Variants in ADD1 observed in about 807,000 individuals in gnomAD.
The protein encoded by ADD1 is adducin 1.
In ADD1, 24 loss-of-function variants were observed where a neutral mutation model predicts 80.5. The ratio of observed to expected loss-of-function variants is 0.30; its 90% CI spans 0.22 to 0.42. The LOEUF (loss-of-function observed/expected upper bound fraction) is 0.42, where lower values mean the gene tolerates loss of function less well. Among genes scored for constraint, ADD1 ranks in the 10% least tolerant of loss-of-function variants. The probability of loss-of-function intolerance (pLI) is 1.00; values close to 1 mark genes in which losing one functional copy is unlikely to be tolerated. For missense variants in ADD1, 948 were observed against 1,019.0 expected, an observed-to-expected ratio of 0.93 and a Z score of 0.95; for synonymous variants, 373 against 393.8, an observed-to-expected ratio of 0.95 and a Z score of 0.63.
At chr4:2,867,375 C>T (rs1385074646) in intron 1 of ADD1, among the ~76,000 whole-genome samples, 1 of 152,116 alleles carries the variant, frequency 6.6e-6, no homozygotes, top group Non-Finnish European at 1.5e-5. Context: ...TGAGTGGAAC[C>T]AACCTCTGAT....
intron 8 of ADD1, chr4:2,898,879 A>G (rs1287045273): frequency 2.6e-6 from 1 of 386,616 alleles, no homozygotes; most frequent in Non-Finnish European, 4.8e-6. Context: ...AAGCAGGTAT[A>G]CAGAAGTAGA....
intron 3 of ADD1, 22 bp from the exon 4 acceptor site, chr4:2,884,493 G>T: frequency 6.3e-7 from 1 of 1,585,458 alleles, no homozygotes; most frequent in Non-Finnish European, 8.6e-7. Context: ...ACCTGGCTGA[G>T]TTTTGTTTTT....
At chr4:2,915,909 C>A (rs570411705) in intron 14 of ADD1, among the ~76,000 whole-genome samples, 4 of 152,238 alleles carry the variant, frequency 2.6e-5, no homozygotes, top group South Asian at 4.1e-4. Context: ...TGGCCACTCA[C>A]AAGAGTCTGC....
chr4:2,846,491 A>T (rs1248067357), intron 1 of ADD1, among the ~76,000 whole-genome samples: 1 of 152,186 alleles, frequency 6.6e-6, no homozygotes, highest in African/African-American at 2.4e-5. Flanking sequence ...AGCATTGAAT[A>T]TATTGATATT....
At chr4:2,882,854 G>GT (rs869057727) in intron 3 of ADD1, among the ~76,000 whole-genome samples, 356 of 151,088 alleles carry the variant, frequency 2.4e-3, no homozygotes, top group African/African-American at 7.9e-3. Context: ...TGTGGATTCC[G>GT]TTTTTTTTTG....
At chr4:2,912,258 C>T (rs899398566) in intron 13 of ADD1, among the ~76,000 whole-genome samples, 12 of 152,188 alleles carry the variant, frequency 7.9e-5, no homozygotes, top group Admixed American at 3.9e-4. Context: ...TCTGGGTTGT[C>T]CATGAGTGGC....
chr4:2,864,620 C>T (rs556787507), intron 1 of ADD1, among the ~76,000 whole-genome samples: 1 of 152,082 alleles, frequency 6.6e-6, no homozygotes, highest in Admixed American at 6.5e-5. Flanking sequence ...GAGTCCTGCT[C>T]TGTGTGCCCT....
At chr4:2,885,822 G>T (rs568108673) in intron 4 of ADD1, among the ~76,000 whole-genome samples, 1 of 152,028 alleles carries the variant, frequency 6.6e-6, no homozygotes, top group African/African-American at 2.4e-5. Context: ...GTGTTAGCCA[G>T]GATGGTCTCG....
At chr4:2,887,194 AG>A (rs983192778) in intron 4 of ADD1, among the ~76,000 whole-genome samples, 1 of 152,170 alleles carries the variant, frequency 6.6e-6, no homozygotes, top group Non-Finnish European at 1.5e-5. Context: ...TAAGGAAGAA[AG>A]GTTTTGGTTT....
At chr4:2,876,229 C>G (rs558862821) in intron 2 of ADD1, 119 bp downstream of exon 2, 1 of 919,722 alleles carries the variant, frequency 1.1e-6, no homozygotes, top group South Asian at 1.9e-5. Flanking sequence ...AAATCAGTGC[C>G]TTGAGTATAC....
intron 14 of ADD1, among the ~76,000 whole-genome samples, chr4:2,925,610 G>A (rs938478911): frequency 1.3e-5 from 2 of 152,200 alleles, no homozygotes; most frequent in African/African-American, 4.8e-5. Context: ...TAATGCTCAT[G>A]TGATGTCCCT....
intron 9 of ADD1, chr4:2,902,367 A>G (rs191603762): frequency 1.3e-5 from 2 of 152,348 alleles, no homozygotes; most frequent in African/African-American, 4.8e-5. Context: ...GCCAGTACAC[A>G]CATTTACCTT....
rs1481703761 is a variant in ADD1, at chr4:2,926,008, C to T, written c.1949-6C>T. The T allele has an allele frequency of 1.2e-6, 2 of 1,613,610 alleles. No individual in the cohort carries two copies. The highest frequency in any genetic ancestry group is 2.7e-5 in the African/African-American group (2 of 74,934). ...CTCCTACCATATCCTTCTTGCTTCT[C>T]TGCAGAGAATCTGGACGAGGCTAGA... On this transcript the variant is annotated splice_polypyrimidine_tract_variant and splice_region_variant and intron_variant, in intron 14 of 15. Transcript: ENST00000683351. This position sits in a 1 kb window ranked among gnomAD's most constrained non-coding sequence, Gnocchi z 5.0.
chr4:2,866,038 A>G (rs1447622930), intron 1 of ADD1, among the ~76,000 whole-genome samples: 1 of 152,252 alleles, frequency 6.6e-6, no homozygotes, highest in African/African-American at 2.4e-5. Flanking sequence ...TAGCATACTT[A>G]TAAAATTATT....
chr4:2,920,587 C>A (rs965407186), intron 14 of ADD1, among the ~76,000 whole-genome samples: 1 of 150,412 alleles, frequency 6.6e-6, no homozygotes, highest in Non-Finnish European at 1.5e-5. Flanking sequence ...TATGTAATGC[C>A]CTGCTTTGTC....
intron 1 of ADD1, among the ~76,000 whole-genome samples, chr4:2,871,093 C>T (rs532447779): frequency 2.0e-5 from 3 of 151,984 alleles, no homozygotes; most frequent in South Asian, 2.1e-4. Context: ...CTCAGCCTCC[C>T]GAGTAGCTGG....
intron 2 of ADD1, among the ~76,000 whole-genome samples, chr4:2,878,754 C>T (rs1731759700): frequency 6.6e-6 from 1 of 152,122 alleles, no homozygotes; most frequent in South Asian, 2.1e-4. Flanking sequence ...TGCACCACTG[C>T]ACTCCAGCCT....
rs145030415 is a variant in ADD1, at chr4:2,926,742, GTTGT to G, written c.2047+633_2047+636del. On this transcript the variant is annotated intron_variant, in intron 15 of 15. Transcript: ENST00000683351. This position sits in a 1 kb window ranked among gnomAD's most constrained non-coding sequence, Gnocchi z 5.0. ...CTTTGCCTCATTCTCCTGCTTCTTT[GTTGT>G]TTATTAAGTTTTGTTTTCTGTTTAT... 3,198 of 1,517,630 alleles carry G rather than the reference GTTGT, an allele frequency of 2.1e-3. 56 individuals are homozygous for G. In the African/African-American group the frequency reaches 0.038, roughly 18 times the overall value. 94.0% of individuals were successfully genotyped at this position (1,517,630 alleles called of 1,614,324 possible). A position where few individuals can be genotyped will look rare whatever the true frequency, so the allele number is the denominator to read the frequency against.
chr4:2,918,338 T>C, intron 14 of ADD1, among the ~76,000 whole-genome samples: 1 of 152,236 alleles, frequency 6.6e-6, no homozygotes, highest in East Asian at 1.9e-4. Context: ...TGTGTAGGAA[T>C]GCTTGTGATT....
Sources: allele counts gnomAD v4.1 joint callset (sites outside exome capture counted in the v4.1 genomes callset), GRCh38; gene constraint gnomAD v4.1.1; non-coding constraint Gnocchi (gnomAD v3.1); transcripts MANE v1.5; gene names NCBI Gene and HGNC (gene_info 2026-07-23, HGNC 2026-07-21).